DZANK1: variants seen among roughly 807,000 people sequenced by gnomAD.
The protein encoded by DZANK1 is double zinc ribbon and ankyrin repeat-containing protein 1.
DZANK1 carries 91 observed loss-of-function variants against 94.5 expected under a neutral mutation model. That is an observed-to-expected ratio of 0.96 (90% CI 0.81 to 1.15). DZANK1 has a LOEUF of 1.15. Ranked by LOEUF, DZANK1 falls within the 50% of genes most tolerant of loss-of-function variation. The pLI is 0.00. For missense variants in DZANK1, 903 were observed against 916.4 expected (o/e 0.99, Z 0.19); for synonymous variants, 312 against 325.3 (o/e 0.96, Z 0.44).
chr20:18,424,176 G>A (rs915297471), intron 10 of DZANK1, among the ~76,000 whole-genome samples: 16 of 152,212 alleles, frequency 1.1e-4, no homozygotes, highest in East Asian at 1.9e-4. Context: ...CCGGCCGGGC[G>A]CGGTGGCTCA....
chr20:18,412,817 G>T, exon 13 of DZANK1: 1 of 1,613,956 alleles, frequency 6.2e-7, no homozygotes, highest in Non-Finnish European at 8.5e-7. Flanking sequence ...TCAGATCTGG[G>T]CAAAGGAATA....
chr20:18,460,923 C>A (rs2059452450), intron 2 of DZANK1, among the ~76,000 whole-genome samples: 1 of 152,168 alleles, frequency 6.6e-6, no homozygotes, highest in Non-Finnish European at 1.5e-5. Context: ...ATTTTACACC[C>A]ATCTTATAGA....
At chr20:18,422,255 A>C (rs961759671) in intron 10 of DZANK1, among the ~76,000 whole-genome samples, 2 of 152,180 alleles carry the variant, frequency 1.3e-5, no homozygotes, top group African/African-American at 4.8e-5. Flanking sequence ...ATGCTTCTGC[A>C]TGTAAATATC....
intron 10 of DZANK1, among the ~76,000 whole-genome samples, chr20:18,419,890 C>CAAAA (rs74179199): frequency 0.023 from 2,880 of 124,748 alleles, 104 homozygotes; most frequent in African/African-American, 0.082. Context: ...GGTGTAAATA[C>CAAAA]AAAAAAAAAA....
At chr20:18,452,420 G>A (rs2059135576) in intron 6 of DZANK1, among the ~76,000 whole-genome samples, 195 bp downstream of exon 6, 1 of 152,142 alleles carries the variant, frequency 6.6e-6, no homozygotes, top group African/African-American at 2.4e-5. Flanking sequence ...AAAATTATGT[G>A]TCTGCCCCCA....
intron 10 of DZANK1, among the ~76,000 whole-genome samples, chr20:18,426,403 C>T (rs1212479853): frequency 1.3e-5 from 2 of 152,120 alleles, no homozygotes; most frequent in Non-Finnish European, 2.9e-5. Flanking sequence ...TGTCCAGTTT[C>T]ATGAGGAATC....
chr20:18,423,319 T>C (rs1001150446), intron 10 of DZANK1, among the ~76,000 whole-genome samples: 1 of 152,230 alleles, frequency 6.6e-6, no homozygotes, highest in African/African-American at 2.4e-5. Flanking sequence ...ATTACTATAT[T>C]TGTGTGTTCT....
intron 9 of DZANK1, among the ~76,000 whole-genome samples, chr20:18,431,358 T>C (rs527434656): frequency 2.6e-5 from 4 of 152,156 alleles, no homozygotes; most frequent in Admixed American, 6.6e-5. Flanking sequence ...GCTTTTGCAC[T>C]CAGTGGAGTG....
chr20:18,402,372 G>A (rs1456335895), intron 13 of DZANK1, among the ~76,000 whole-genome samples: 1 of 152,112 alleles, frequency 6.6e-6, no homozygotes. Flanking sequence ...GTGGGATCAG[G>A]CATGTGCACT....
At chr20:18,436,365 AC>A (rs2058520762) in intron 8 of DZANK1, among the ~76,000 whole-genome samples, 1 of 149,638 alleles carries the variant, frequency 6.7e-6, no homozygotes, top group African/African-American at 2.5e-5. Context: ...AATGGCGTGA[AC>A]CCGGGAGGCG....
intron 12 of DZANK1, among the ~76,000 whole-genome samples, chr20:18,413,504 G>A (rs1469868209): frequency 3.9e-5 from 6 of 152,172 alleles, no homozygotes; most frequent in Admixed American, 3.9e-4. Flanking sequence ...ATGAACGGCT[G>A]GGCATGGTGG....
At chr20:18,418,071 G>A (rs1183345971) in intron 10 of DZANK1, among the ~76,000 whole-genome samples, 1 of 151,920 alleles carries the variant, frequency 6.6e-6, no homozygotes, top group Non-Finnish European at 1.5e-5. Context: ...GGGCGACAGA[G>A]CATGACTCTG....
At chr20:18,452,452 C>T (rs996359584) in intron 6 of DZANK1, among the ~76,000 whole-genome samples, 163 bp downstream of exon 6, 4 of 152,160 alleles carry the variant, frequency 2.6e-5, no homozygotes, top group African/African-American at 9.7e-5. Context: ...AGGTAAGCTC[C>T]ATGAATACAG....
At chr20:18,461,719 C>T (rs1243062759) in intron 2 of DZANK1, among the ~76,000 whole-genome samples, 1 of 151,798 alleles carries the variant, frequency 6.6e-6, no homozygotes, top group African/African-American at 2.4e-5. Context: ...CCTGCCTGAA[C>T]CTCTTGAGTA....
At chr20:18,390,281 A>G (rs1299292440) in intron 18 of DZANK1, 98 bp downstream of exon 18, 1 of 1,144,208 alleles carries the variant, frequency 8.7e-7, no homozygotes, top group East Asian at 2.4e-5. Flanking sequence ...GGGCAGTGTA[A>G]TTTTCACAGT....
chr20:18,436,314 GGCGCCTGTAGTCCCA>G lies in DZANK1; in HGVS notation c.748-2564_748-2550del, dbSNP rs376143854. 3.4e-3 allele frequency among the ~76,000 whole-genome samples: 524 copies of G among 152,024 alleles called. 2 individuals are homozygous for G. Among genetic ancestry groups the G allele is most frequent in the African/African-American group, 5.1e-3 (212 of 41,500 alleles). On this transcript the variant is annotated intron_variant, in intron 8 of 20. Transcript: ENST00000262547. Reference sequence around the variant, plus strand: ...GAAATTCTAAAAATCGCCAGAGGCGGGCGCCTGTAGTCCCAGCTACTTGGGAGGCTGAGGCAGGAG... The same window carrying G: ...GAAATTCTAAAAATCGCCAGAGGCGGGCTACTTGGGAGGCTGAGGCAGGAG...
At chr20:18,460,079 G>C (rs868724149) in intron 3 of DZANK1, 74 bp downstream of exon 3, 3 of 1,142,714 alleles carry the variant, frequency 2.6e-6, no homozygotes, top group Admixed American at 2.9e-5. Flanking sequence ...GATTCTGATA[G>C]GAAAAAATGA....
chr20:18,434,311 G>A (rs1241063709), intron 8 of DZANK1, among the ~76,000 whole-genome samples: 5 of 151,964 alleles, frequency 3.3e-5, no homozygotes, highest in Admixed American at 6.6e-5. Flanking sequence ...TTGGGAGGCC[G>A]AGGTGGGTGG....
chr20:18,431,224 C>G (rs1315447349), intron 9 of DZANK1, among the ~76,000 whole-genome samples: 4 of 151,666 alleles, frequency 2.6e-5, no homozygotes, highest in Non-Finnish European at 2.9e-5. Flanking sequence ...TCTTCTAATC[C>G]CGGCAGAAAA....
Sources: allele counts gnomAD v4.1 joint callset (sites outside exome capture counted in the v4.1 genomes callset), GRCh38; gene constraint gnomAD v4.1.1; transcripts MANE v1.5; gene names NCBI Gene and HGNC (gene_info 2026-07-23, HGNC 2026-07-21).